SLC24A2: variants seen among roughly 807,000 people sequenced by gnomAD.
SLC24A2 encodes the protein sodium/potassium/calcium exchanger 2.
A neutral mutation model predicts 62.0 loss-of-function variants in SLC24A2; 36 were observed. The ratio of observed to expected loss-of-function variants is 0.58; its 90% CI spans 0.44 to 0.77. SLC24A2 has a LOEUF of 0.77. Ranked by LOEUF, SLC24A2 falls within the 30% of genes least tolerant of loss-of-function variation. The probability of loss-of-function intolerance (pLI) is 0.00; values close to 1 mark genes in which losing one functional copy is unlikely to be tolerated. For synonymous variants in SLC24A2, 358 were observed against 294.0 expected (o/e 1.22, Z -2.23); for missense variants, 846 against 817.9 (o/e 1.03, Z -0.42).
chr9:19,524,654 T>C (rs1040043680), intron 9 of SLC24A2, among the ~76,000 whole-genome samples: 1 of 152,206 alleles, frequency 6.6e-6, no homozygotes, highest in African/African-American at 2.4e-5. Context: ...TCTGGGTGTT[T>C]TTAAAGAAGT....
At chr9:19,602,495 T>C in intron 4 of SLC24A2, among the ~76,000 whole-genome samples, 1 of 152,238 alleles carries the variant, frequency 6.6e-6, no homozygotes, top group East Asian at 1.9e-4. Context: ...TTATATTCTT[T>C]TGTATAATCT....
chr9:19,767,440 T>G (rs896702146), intron 2 of SLC24A2, among the ~76,000 whole-genome samples: 14 of 152,312 alleles, frequency 9.2e-5, no homozygotes, highest in African/African-American at 3.1e-4. Context: ...TATAGGCAAC[T>G]GAGGGAATCT....
the SLC24A2 span, among the ~76,000 whole-genome samples, chr9:20,044,149 T>G: frequency 7.9e-5 from 12 of 152,166 alleles, no homozygotes; most frequent in Admixed American, 3.9e-4. Context: ...TTTTTTATTG[T>G]GTATATTTTG....
At chr9:20,120,473 T>G in the SLC24A2 span, among the ~76,000 whole-genome samples, 1 of 152,162 alleles carries the variant, frequency 6.6e-6, no homozygotes, top group Non-Finnish European at 1.5e-5. Context: ...AAATACCACT[T>G]GTTCTCATAA....
chr9:19,790,105 T>G (rs948217860), upstream of SLC24A2, among the ~76,000 whole-genome samples: 9 of 151,906 alleles, frequency 5.9e-5, no homozygotes, highest in Non-Finnish European at 1.0e-4. Flanking sequence ...AACTTTTCTT[T>G]TTCTTTCTCC....
the SLC24A2 span, among the ~76,000 whole-genome samples, chr9:20,144,961 G>T: frequency 2.0e-5 from 3 of 152,088 alleles, no homozygotes; most frequent in African/African-American, 7.2e-5. Context: ...AAGGATAATA[G>T]ACTTTTGAGT....
the SLC24A2 span, among the ~76,000 whole-genome samples, chr9:19,824,563 C>T: frequency 5.1e-3 from 779 of 152,242 alleles, 6 homozygotes; most frequent in African/African-American, 0.018. Flanking sequence ...TGCTTTTACG[C>T]TGTTAGTGGG....
upstream of SLC24A2, among the ~76,000 whole-genome samples, chr9:19,791,440 C>G (rs568277374): frequency 5.9e-5 from 9 of 152,276 alleles, no homozygotes; most frequent in African/African-American, 1.9e-4. Flanking sequence ...AATCAGGGCT[C>G]TCTTAGTAAG....
At chr9:20,271,598 G>T in the SLC24A2 span, among the ~76,000 whole-genome samples, 1 of 152,172 alleles carries the variant, frequency 6.6e-6, no homozygotes. Context: ...GATATCAGAC[G>T]TGTTTCTGCA....
chr9:20,285,749 C>T, the SLC24A2 span, among the ~76,000 whole-genome samples: 4 of 152,110 alleles, frequency 2.6e-5, no homozygotes, highest in South Asian at 4.1e-4. Context: ...TCAAACATTA[C>T]GATCATAAGG....
At chr9:19,785,215 T>C (rs1203254585) in intron 2 of SLC24A2, among the ~76,000 whole-genome samples, 1 of 152,218 alleles carries the variant, frequency 6.6e-6, no homozygotes, top group Admixed American at 6.5e-5. Flanking sequence ...CTCACCTAAG[T>C]GGTAGGATGG....
chr9:20,064,862 C>T, the SLC24A2 span, among the ~76,000 whole-genome samples: 1 of 152,102 alleles, frequency 6.6e-6, no homozygotes, highest in Non-Finnish European at 1.5e-5. Flanking sequence ...TCCAAAGAGC[C>T]CAGTGTGAGA....
the SLC24A2 span, among the ~76,000 whole-genome samples, chr9:19,939,090 T>C: frequency 5.3e-5 from 8 of 152,260 alleles, no homozygotes; most frequent in African/African-American, 1.9e-4. Flanking sequence ...GTAGGTGATA[T>C]CTGTCTTCTT....
At chr9:19,634,383 G>C (rs1461491616) in intron 2 of SLC24A2, among the ~76,000 whole-genome samples, 1 of 149,012 alleles carries the variant, frequency 6.7e-6, no homozygotes, top group Non-Finnish European at 1.5e-5. Flanking sequence ...CCACCTCCCG[G>C]TTTCAAGCAA....
At chr9:19,554,183 C>G (rs779009812) in intron 7 of SLC24A2, among the ~76,000 whole-genome samples, 6 of 152,156 alleles carry the variant, frequency 3.9e-5, no homozygotes, top group Non-Finnish European at 8.8e-5. Flanking sequence ...GGGGACACAG[C>G]AAGAAGGCAG....
At chr9:19,820,630 G>T in the SLC24A2 span, among the ~76,000 whole-genome samples, 1 of 152,014 alleles carries the variant, frequency 6.6e-6, no homozygotes, top group South Asian at 2.1e-4. Context: ...TTACCAGGGT[G>T]ATACATCTGA....
the SLC24A2 span, among the ~76,000 whole-genome samples, chr9:20,298,444 G>T: frequency 5.4e-4 from 82 of 152,258 alleles, 3 homozygotes; most frequent in East Asian, 0.016. Context: ...GGCCTGGCTG[G>T]TCTTGAACTC....
At chr9:20,246,072 T>C in the SLC24A2 span, among the ~76,000 whole-genome samples, 1 of 152,260 alleles carries the variant, frequency 6.6e-6, no homozygotes, top group Non-Finnish European at 1.5e-5. Flanking sequence ...AGAAATAAGA[T>C]CATGTGTACA....
chr9:20,179,033 C>T, the SLC24A2 span, among the ~76,000 whole-genome samples: 4 of 152,142 alleles, frequency 2.6e-5, no homozygotes, highest in African/African-American at 9.7e-5. Context: ...AATTCCCTTG[C>T]ATATGGCAGA....
Sources: allele counts gnomAD v4.1 joint callset (sites outside exome capture counted in the v4.1 genomes callset), GRCh38; gene constraint gnomAD v4.1.1; transcripts MANE v1.5; gene names NCBI Gene and HGNC (gene_info 2026-07-23, HGNC 2026-07-21).